Variants in IPCEF1 observed in about 807,000 individuals in gnomAD.
IPCEF1 encodes the protein interactor protein for cytohesin exchange factors 1.
Under a neutral mutation model 50.9 loss-of-function variants are expected in IPCEF1, and 31 were observed. That is an observed-to-expected ratio of 0.61 (90% CI 0.46 to 0.82). The LOEUF is 0.82. Among genes scored for constraint, IPCEF1 ranks in the 40% least tolerant of loss-of-function variants. The pLI, the probability that IPCEF1 is intolerant of heterozygous loss-of-function variation, is 0.00. For missense variants in IPCEF1, 458 were observed against 514.0 expected (o/e 0.89, Z 1.05); for synonymous variants, 181 against 192.0 (o/e 0.94, Z 0.47).
chr6:154,259,580 A>G (rs1781543472), intron 3 of IPCEF1, among the ~76,000 whole-genome samples: 1 of 150,564 alleles, frequency 6.6e-6, no homozygotes. Context: ...TGAACCTGGG[A>G]GGCAGAGGTT....
At chr6:154,289,495 T>A (rs1456225868) in intron 2 of IPCEF1, among the ~76,000 whole-genome samples, 8 of 151,596 alleles carry the variant, frequency 5.3e-5, no homozygotes, top group African/African-American at 1.7e-4. Context: ...ATAAATAAAT[T>A]ACTTAATTCT....
chr6:154,312,398 G>A (rs776104045), intron 1 of IPCEF1, among the ~76,000 whole-genome samples: 6 of 152,098 alleles, frequency 3.9e-5, no homozygotes, highest in Admixed American at 6.6e-5. Flanking sequence ...CAGGGCTGGA[G>A]TGCAGTGTCA....
chr6:154,171,833 A>G (rs1055261710), intron 10 of IPCEF1, among the ~76,000 whole-genome samples: 7 of 152,230 alleles, frequency 4.6e-5, no homozygotes, highest in African/African-American at 1.7e-4. Context: ...TTTAAGACAC[A>G]GTAATTTTAC....
At chr6:154,192,318 C>CTGTGTGTTTGTGTG (rs374502866) in intron 10 of IPCEF1, among the ~76,000 whole-genome samples, 2,289 of 148,122 alleles carry the variant, frequency 0.015, 64 homozygotes, top group African/African-American at 0.046. Flanking sequence ...CACGTGGTTA[C>CTGTGTGTTTGTGTG]TGTGTGTGTG....
chr6:154,241,363 T>C (rs1780578515), intron 5 of IPCEF1, among the ~76,000 whole-genome samples: 1 of 151,878 alleles, frequency 6.6e-6, no homozygotes, highest in South Asian at 2.1e-4. Flanking sequence ...TGTCAATAAA[T>C]GAAAACTAAA....
intron 5 of IPCEF1, among the ~76,000 whole-genome samples, chr6:154,227,461 G>A (rs1015070674): frequency 6.6e-6 from 1 of 152,116 alleles, no homozygotes; most frequent in Non-Finnish European, 1.5e-5. Context: ...GCTCACGCCT[G>A]TAATCCCAAC....
At chr6:154,269,078 A>G (rs1053799602) in intron 2 of IPCEF1, among the ~76,000 whole-genome samples, 4 of 152,192 alleles carry the variant, frequency 2.6e-5, no homozygotes, top group Non-Finnish European at 5.9e-5. Context: ...GGCCTTGGTC[A>G]CTTATTTGCT....
At chr6:154,310,301 G>A (rs1488675792) in intron 1 of IPCEF1, among the ~76,000 whole-genome samples, 2 of 152,138 alleles carry the variant, frequency 1.3e-5, no homozygotes, top group Non-Finnish European at 2.9e-5. Context: ...TCAGGGAAAT[G>A]CAAATTAAAA....
intron 5 of IPCEF1, among the ~76,000 whole-genome samples, chr6:154,234,804 C>G (rs894754446): frequency 3.3e-5 from 5 of 152,178 alleles, no homozygotes; most frequent in African/African-American, 1.2e-4. Flanking sequence ...TTCAGGTAGT[C>G]TGACATACAA....
intron 1 of IPCEF1, among the ~76,000 whole-genome samples, chr6:154,339,809 G>C (rs1233750021): frequency 1.3e-5 from 2 of 151,776 alleles, no homozygotes; most frequent in Non-Finnish European, 2.9e-5. Context: ...TATAACCCAG[G>C]CTCGTCTGGA....
Position 154,247,459 on chromosome 6 carries a change from C to T in IPCEF1, c.66G>A (p.Arg22=). Residue 22 remains arginine, a synonymous_variant, in exon 4 of 12, where the codon AGG becomes AGA. Transcript: ENST00000367220. Reference sequence around the variant, plus strand: ...AAGAGATCTAATTACCTTGAGTTTTCCTCCTGGGCTTCTGACGCAAGGGAA... The same window carrying T: ...AAGAGATCTAATTACCTTGAGTTTTTCTCCTGGGCTTCTGACGCAAGGGAA... ...LQVPLRQKPR[R]KTQGFLTMSR... The T allele has an allele frequency of 6.2e-7, 1 of 1,612,230 alleles. No homozygotes were observed. Among genetic ancestry groups the T allele is most frequent in the South Asian group, 1.1e-5 (1 of 90,956 alleles).
chr6:154,290,460 T>C (rs1354775477), intron 1 of IPCEF1, among the ~76,000 whole-genome samples: 1 of 152,176 alleles, frequency 6.6e-6, no homozygotes, highest in East Asian at 1.9e-4. Flanking sequence ...CCAAGTGTAC[T>C]TTACTTCCTT....
At chr6:154,235,531 CAAAAAAAA>C (rs34877577) in intron 5 of IPCEF1, among the ~76,000 whole-genome samples, 1 of 97,594 alleles carries the variant, frequency 1.0e-5, no homozygotes, top group Non-Finnish European at 2.0e-5. Flanking sequence ...AACTCTGTCA[CAAAAAAAA>C]AAAAAAAAAA....
intron 1 of IPCEF1, among the ~76,000 whole-genome samples, chr6:154,321,778 T>TAAAAA (rs61648946): frequency 7.7e-5 from 4 of 51,936 alleles, no homozygotes; most frequent in African/African-American, 1.6e-4. Context: ...AGACTCTTTC[T>TAAAAA]AAAAAAAAAA....
intron 2 of IPCEF1, among the ~76,000 whole-genome samples, chr6:154,288,915 A>G (rs1021175274): frequency 1.1e-4 from 16 of 152,028 alleles, no homozygotes; most frequent in African/African-American, 3.9e-4. Context: ...AATTTTAAAA[A>G]TTAGCTGGGC....
chr6:154,263,259 T>G (rs926000046), intron 3 of IPCEF1, among the ~76,000 whole-genome samples: 1 of 151,648 alleles, frequency 6.6e-6, no homozygotes, highest in South Asian at 2.1e-4. Flanking sequence ...TTATTTATTT[T>G]TTTTAATTGA....
At chr6:154,343,315 A>T (rs918298821) in intron 1 of IPCEF1, among the ~76,000 whole-genome samples, 3 of 151,652 alleles carry the variant, frequency 2.0e-5, no homozygotes, top group Non-Finnish European at 2.9e-5. Flanking sequence ...GGGCTACAAA[A>T]GGGAAATAAG....
chr6:154,277,430 A>C (rs1782090047), intron 2 of IPCEF1, among the ~76,000 whole-genome samples: 1 of 152,236 alleles, frequency 6.6e-6, no homozygotes, highest in Non-Finnish European at 1.5e-5. Context: ...AAATCATAAC[A>C]TGTATGCAAA....
At chr6:154,306,414 AT>A (rs754752777) in intron 1 of IPCEF1, among the ~76,000 whole-genome samples, 1 of 151,044 alleles carries the variant, frequency 6.6e-6, no homozygotes, top group Non-Finnish European at 1.5e-5. Flanking sequence ...TTATTGATTT[AT>A]TTTGTAGAGA....
Sources: gnomAD v4.1 joint callset for allele counts (sites outside exome capture counted in the v4.1 genomes callset) on GRCh38, gnomAD v4.1.1 for gene constraint, MANE v1.5 for transcripts, NCBI Gene and HGNC (gene_info 2026-07-23, HGNC 2026-07-21) for gene names.